GNB5: variants seen among roughly 807,000 people sequenced by gnomAD.
The protein encoded by GNB5 is G protein subunit beta 5, also known as guanine nucleotide-binding protein subunit beta-5.
GNB5 carries 37 observed loss-of-function variants against 55.3 expected under a neutral mutation model. The observed-to-expected ratio is 0.67, with a 90% CI of 0.51 to 0.88. The LOEUF (loss-of-function observed/expected upper bound fraction) is 0.88. Among genes scored for constraint, GNB5 ranks in the 40% least tolerant of loss-of-function variants. GNB5 has a pLI of 0.00. For synonymous variants in GNB5, 219 were observed against 198.5 expected (o/e 1.10, Z -0.87); for missense variants, 476 against 515.3 (o/e 0.92, Z 0.74).
intron 3 of GNB5, among the ~76,000 whole-genome samples, chr15:52,165,039 A>T (rs2034423067): frequency 6.6e-6 from 1 of 152,238 alleles, no homozygotes; most frequent in Non-Finnish European, 1.5e-5. Context: ...GGGCTGAAAG[A>T]TACAACATAA....
intron 3 of GNB5, among the ~76,000 whole-genome samples, chr15:52,178,741 ACTTCT>A (rs1339786620): frequency 6.6e-6 from 1 of 152,250 alleles, no homozygotes; most frequent in Non-Finnish European, 1.5e-5. Context: ...CAGGTCATCC[ACTTCT>A]CTTAAGTGAT....
At chr15:52,137,500 G>T in intron 7 of GNB5, 1 of 1,017,838 alleles carries the variant, frequency 9.8e-7, no homozygotes, top group East Asian at 9.6e-5. Context: ...TTCTGGGCAG[G>T]AGAATGAGAA....
rs1197715092 is a variant in GNB5, at chr15:52,154,059, G to T, written c.256C>A (p.Arg86=). ...HDVELHQVAE[R]VEALGQFVMK... The stretch of plus-strand genomic sequence containing the variant: ...ACAAACTGCCCCAGGGCCTCCACCC[G>T]CTCCGCCACCTGGTGCACTGGAATG... The change falls in exon 4 of 13, where the codon CGG becomes AGG. Residue 86 remains arginine (R), a synonymous_variant. Coordinates refer to ENST00000261837, the MANE Select transcript of GNB5 (RefSeq NM_016194.4). The T allele has an allele frequency of 3.1e-6, 5 of 1,613,810 alleles. No individual in the cohort carries two copies. Among genetic ancestry groups the T allele is most frequent in the Admixed American group, 1.7e-5 (1 of 59,990 alleles).
chr15:52,126,052 G>A lies in GNB5; in HGVS notation c.913-8C>T. 1 of 1,419,422 alleles carries A rather than the reference G, an allele frequency of 7.0e-7. No individual in the cohort carries two copies. The highest frequency in any genetic ancestry group is 9.9e-7 in the Non-Finnish European group (1 of 1,009,644). The allele number at this position is 1,419,422 out of a possible 1,614,324, so 87.9% of individuals were successfully genotyped here. A position where few individuals can be genotyped will look rare whatever the true frequency, so the allele number is the denominator to read the frequency against. On this transcript the variant is annotated splice_region_variant and splice_polypyrimidine_tract_variant and intron_variant, in intron 10 of 12. Coordinates refer to ENST00000261837, the MANE Select transcript of GNB5 (RefSeq NM_016194.4). ...CAGGTCATAGAGGCGACACTGGGGA[G>A]CAAATAAATAAAGAAGCACTTACTT... is the stretch of plus-strand genomic sequence containing the variant.
intron 9 of GNB5, among the ~76,000 whole-genome samples, 171 bp downstream of exon 9, chr15:52,133,207 C>T (rs2033622747): frequency 6.6e-6 from 1 of 152,170 alleles, no homozygotes; most frequent in African/African-American, 2.4e-5. Flanking sequence ...AATTAAAATT[C>T]TCCATGAGTT....
At chr15:52,126,320 A>G (rs2033428414) in intron 10 of GNB5, among the ~76,000 whole-genome samples, 1 of 152,110 alleles carries the variant, frequency 6.6e-6, no homozygotes, top group African/African-American at 2.4e-5. Context: ...ATGAGACCCC[A>G]CTTTTTTTTC....
chr15:52,140,055 T>A lies in GNB5; in HGVS notation c.627+1085A>T, dbSNP rs1165139384. 9 of 926,690 alleles carry A rather than the reference T, an allele frequency of 9.7e-6. No homozygotes were observed. The East Asian group carries it at 6.2e-4, about 64-fold the overall frequency. The allele number at this position is 926,690 out of a possible 1,614,324, so 57.4% of individuals were successfully genotyped here. On this transcript the variant is annotated intron_variant, in intron 7 of 12. Coordinates refer to ENST00000261837, the MANE Select transcript of GNB5 (RefSeq NM_016194.4). ...TGAACAAGTCTGCAAGATTCCTGGTTAGGCTCAAATAATAGGTGTAAACAA... is the reference window on the plus strand; with the variant it reads ...TGAACAAGTCTGCAAGATTCCTGGTAAGGCTCAAATAATAGGTGTAAACAA...
At position 52,118,788 on chromosome 15, in the gene GNB5, G is replaced by A. The variant is rs2033193619; in HGVS notation, c.*3969C>T. 1 of 148,568 alleles carries A rather than the reference G, an allele frequency of 6.7e-6. No homozygotes were observed. Among genetic ancestry groups the A allele is most frequent in the Admixed American group, 6.9e-5 (1 of 14,502 alleles). The allele number at this position is 148,568 out of a possible 1,614,324, so 9.2% of individuals were successfully genotyped here. A position where few individuals can be genotyped will look rare whatever the true frequency, so the allele number is the denominator to read the frequency against. On this transcript the variant is annotated 3_prime_UTR_variant, in exon 13 of 13. Coordinates refer to ENST00000261837, the MANE Select transcript of GNB5 (RefSeq NM_016194.4). ...GGAGGCTGAGGCAGGAGAATCGCTT[G>A]AACCCAGGAGGCGGAGGTTGAAGTG...
At chr15:52,170,981 C>G (rs750268151) in intron 3 of GNB5, among the ~76,000 whole-genome samples, 1 of 150,900 alleles carries the variant, frequency 6.6e-6, no homozygotes, top group Non-Finnish European at 1.5e-5. Context: ...ATAATCCCAG[C>G]TACTTGGGAG....
intron 3 of GNB5, among the ~76,000 whole-genome samples, chr15:52,154,312 C>A (rs1257640839): frequency 6.6e-6 from 1 of 152,334 alleles, no homozygotes. Flanking sequence ...TAAGACCCTA[C>A]ATTTTTCAAA....
intron 3 of GNB5, among the ~76,000 whole-genome samples, chr15:52,155,722 G>A (rs545730339): frequency 6.6e-6 from 1 of 152,226 alleles, no homozygotes; most frequent in East Asian, 1.9e-4. Flanking sequence ...ATTAGCTTGG[G>A]TAAAACACAT....
In GNB5 at chr15:52,116,784, G is replaced by A. The variant is rs1411146624; in HGVS notation, c.*5973C>T. The A allele has an allele frequency of 6.6e-6, 1 of 152,120 alleles. No homozygotes were observed. The highest frequency in any genetic ancestry group is 1.5e-5 in the Non-Finnish European group (1 of 68,016). 9.4% of individuals were successfully genotyped at this position (152,120 alleles called of 1,614,324 possible). Reference sequence around the variant, plus strand: ...CTCACACAAAAATTACTTCTGCAAAGACATCTGCCTAGCAACTGCCTGTCC... The same window carrying A: ...CTCACACAAAAATTACTTCTGCAAAAACATCTGCCTAGCAACTGCCTGTCC... On this transcript the variant is annotated 3_prime_UTR_variant, in exon 13 of 13. Transcript: ENST00000261837.
At chr15:52,174,250 T>A (rs1439435837) in intron 3 of GNB5, among the ~76,000 whole-genome samples, 2 of 152,184 alleles carry the variant, frequency 1.3e-5, no homozygotes, top group African/African-American at 4.8e-5. Flanking sequence ...ATTATAGACC[T>A]CCAGCACTAT....
intron 4 of GNB5, among the ~76,000 whole-genome samples, chr15:52,153,033 C>G (rs1047148131): frequency 1.3e-5 from 2 of 152,164 alleles, no homozygotes; most frequent in South Asian, 4.1e-4. Context: ...CAAGTGAGTC[C>G]CAAATCATTC....
At chr15:52,177,973 T>C (rs961570126) in intron 3 of GNB5, among the ~76,000 whole-genome samples, 4 of 152,244 alleles carry the variant, frequency 2.6e-5, no homozygotes, top group African/African-American at 7.2e-5. Context: ...TTCTTTTGGA[T>C]TGACTACATT....
At position 52,121,136 on chromosome 15, in the gene GNB5, G is replaced by T. The variant is rs1002315963; in HGVS notation, c.*1621C>A. ...CCAGCTCTGGAAGAGTCTCTCTGAG[G>T]AGCAGGGCCTGGAGCTGGGCCTGCA... On this transcript the variant is annotated 3_prime_UTR_variant, in exon 13 of 13. Transcript: ENST00000261837. 2 of 152,284 alleles carry T rather than the reference G, an allele frequency of 1.3e-5. No individual in the cohort carries two copies. Among genetic ancestry groups the T allele is most frequent in the East Asian group, 1.9e-4 (1 of 5,194 alleles). The allele number at this position is 152,284 out of a possible 1,614,324, so 9.4% of individuals were successfully genotyped here.
At chr15:52,152,730 A>G (rs541864204) in intron 4 of GNB5, among the ~76,000 whole-genome samples, 2 of 151,736 alleles carry the variant, frequency 1.3e-5, no homozygotes, top group East Asian at 1.9e-4. Context: ...TCCTACACCC[A>G]AACGATACTC....
At chr15:52,124,005 C>CAAAAAAAAAAA (rs56008657) in intron 12 of GNB5, among the ~76,000 whole-genome samples, 36 of 84,364 alleles carry the variant, frequency 4.3e-4, no homozygotes, top group Non-Finnish European at 5.5e-4. Flanking sequence ...ATAGAAAAAC[C>CAAAAAAAAAAA]AAAAAAAAAA....
At chr15:52,172,899 G>A (rs1436194293) in intron 3 of GNB5, among the ~76,000 whole-genome samples, 1 of 152,104 alleles carries the variant, frequency 6.6e-6, no homozygotes, top group Non-Finnish European at 1.5e-5. Flanking sequence ...TGTTTGTTAA[G>A]ATCATGTTAT....
Sources: gnomAD v4.1 joint callset for allele counts (sites outside exome capture counted in the v4.1 genomes callset) on GRCh38, gnomAD v4.1.1 for gene constraint, MANE v1.5 for transcripts, NCBI Gene and HGNC (gene_info 2026-07-23, HGNC 2026-07-21) for gene names.